DHRSX: variants seen among roughly 807,000 people sequenced by gnomAD.
DHRSX encodes the protein dehydrogenase/reductase X-linked.
Under a neutral mutation model 34.0 loss-of-function variants are expected in DHRSX, and 31 were observed. The ratio of observed to expected loss-of-function variants is 0.91; its 90% CI spans 0.69 to 1.23. The LOEUF is 1.23. Ranked by LOEUF, DHRSX falls within the 50% of genes most tolerant of loss-of-function variation. DHRSX has a pLI of 0.00. For synonymous variants in DHRSX, 201 were observed against 183.8 expected (o/e 1.09, Z -0.76); for missense variants, 414 against 428.1 (o/e 0.97, Z 0.29).
intron 1 of DHRSX, among the ~76,000 whole-genome samples, chrX:2,426,451 CCT>C (rs1413757180): frequency 2.4e-4 from 36 of 147,128 alleles, no homozygotes; most frequent in African/African-American, 8.1e-4. Flanking sequence ...TCCTTCCCTC[CCT>C]CTTTCCTTCC....
intron 4 of DHRSX, among the ~76,000 whole-genome samples, chrX:2,269,119 TTGTG>T (rs1412643845): frequency 1.2e-4 from 19 of 152,272 alleles, no homozygotes; most frequent in South Asian, 2.1e-4. Flanking sequence ...GTATATGTGT[TTGTG>T]TGTATTTTAT....
intron 3 of DHRSX, among the ~76,000 whole-genome samples, chrX:2,357,440 T>A (rs1468746884): frequency 6.6e-6 from 1 of 152,088 alleles, no homozygotes; most frequent in Admixed American, 6.6e-5. Context: ...AATGCCCATA[T>A]GTCCATCAAC....
intron 2 of DHRSX, among the ~76,000 whole-genome samples, chrX:2,417,592 C>T (rs745704874): frequency 3.2e-4 from 49 of 152,082 alleles, no homozygotes; most frequent in African/African-American, 1.1e-3. Flanking sequence ...CCCAATTAGA[C>T]GTCATCATGA....
At chrX:2,484,901 G>A (rs1051382692) in intron 1 of DHRSX, among the ~76,000 whole-genome samples, 14 of 151,776 alleles carry the variant, frequency 9.2e-5, no homozygotes, top group African/African-American at 2.2e-4. Flanking sequence ...CCGAGATTTC[G>A]GCACCCCAGA....
intron 6 of DHRSX, among the ~76,000 whole-genome samples, chrX:2,234,839 T>G (rs1237791310): frequency 6.6e-6 from 1 of 152,194 alleles, no homozygotes; most frequent in Non-Finnish European, 1.5e-5. Flanking sequence ...GCTTCCCGAG[T>G]AGCTGGGACT....
intron 4 of DHRSX, among the ~76,000 whole-genome samples, chrX:2,284,176 T>A (rs1039726409): frequency 3.7e-5 from 5 of 133,502 alleles, no homozygotes; most frequent in Non-Finnish European, 1.8e-5. Context: ...TCCTTTGAAT[T>A]CATACATTCC....
intron 3 of DHRSX, among the ~76,000 whole-genome samples, chrX:2,371,646 C>T (rs2043072167): frequency 6.6e-6 from 1 of 150,792 alleles, no homozygotes; most frequent in South Asian, 2.1e-4. Context: ...TACCATAGTC[C>T]ACACTCCTCC....
intron 4 of DHRSX, among the ~76,000 whole-genome samples, chrX:2,268,143 T>G (rs184350925): frequency 2.0e-5 from 3 of 152,290 alleles, no homozygotes; most frequent in Admixed American, 2.0e-4. Flanking sequence ...GCTTGACATG[T>G]TCTATCTACC....
intron 3 of DHRSX, among the ~76,000 whole-genome samples, chrX:2,348,052 C>T (rs757268394): frequency 4.6e-5 from 7 of 152,304 alleles, no homozygotes; most frequent in East Asian, 1.9e-4. Context: ...GCCAAACCCA[C>T]AGTCAGGCAG....
At chrX:2,292,176 G>C (rs1418012822) in intron 3 of DHRSX, among the ~76,000 whole-genome samples, 1 of 152,134 alleles carries the variant, frequency 6.6e-6, no homozygotes, top group Non-Finnish European at 1.5e-5. Flanking sequence ...TCCTGACCTT[G>C]ATGTGAGCTG....
chrX:2,242,887 C>G lies in DHRSX; in HGVS notation c.804+136G>C, dbSNP rs368120327. 97 of 806,022 alleles carry G rather than the reference C, an allele frequency of 1.2e-4. No homozygotes were observed. In the African/African-American group the frequency reaches 1.4e-3, roughly 12 times the overall value. 49.9% of individuals were successfully genotyped at this position (806,022 alleles called of 1,614,324 possible). ...TCTACCTTCTCAATAACTTGCTTCT[C>G]TTTCCACCACTGAGCCGTCCTGAAT... On this transcript the variant is annotated intron_variant, in intron 6 of 6. Coordinates refer to ENST00000334651, the MANE Select transcript of DHRSX (RefSeq NM_145177.3).
chrX:2,297,794 A>G (rs962514019), intron 3 of DHRSX, among the ~76,000 whole-genome samples: 9 of 147,258 alleles, frequency 6.1e-5, no homozygotes, highest in African/African-American at 2.2e-4. Context: ...TTGCTCTGTC[A>G]CCCAGGCTGG....
At chrX:2,446,757 G>C (rs1192134008) in intron 1 of DHRSX, among the ~76,000 whole-genome samples, 5 of 148,398 alleles carry the variant, frequency 3.4e-5, no homozygotes, top group Non-Finnish European at 7.5e-5. Context: ...TACAGAAGAA[G>C]ACGTTCCCTA....
At chrX:2,242,131 T>C (rs1427955508) in intron 6 of DHRSX, among the ~76,000 whole-genome samples, 2 of 152,078 alleles carry the variant, frequency 1.3e-5, no homozygotes, top group Non-Finnish European at 2.9e-5. Flanking sequence ...CCTCCATGGA[T>C]GAGAATACAT....
intron 1 of DHRSX, among the ~76,000 whole-genome samples, chrX:2,457,824 A>G (rs1277984311): frequency 6.7e-6 from 1 of 149,718 alleles, no homozygotes; most frequent in Non-Finnish European, 1.5e-5. Context: ...ACGTTCCCTA[A>G]GCTTGTGGCT....
chrX:2,331,681 C>G (rs1401464375), intron 3 of DHRSX, among the ~76,000 whole-genome samples: 3 of 151,952 alleles, frequency 2.0e-5, no homozygotes, highest in Non-Finnish European at 4.4e-5. Flanking sequence ...AACTCCTGAC[C>G]TCAGGTGATC....
Position 2,465,413 on chromosome X carries a change from T to C in DHRSX, c.109+35404A>G, listed in dbSNP as rs184943289. ...CTCCTCAATCACGCCAAAGAAGACC[T>C]GTTTAGCATACAAAATCAAGCTGTG... is the stretch of plus-strand genomic sequence containing the variant. On this transcript the variant is annotated intron_variant, in intron 1 of 6. Coordinates refer to ENST00000334651, the MANE Select transcript of DHRSX (RefSeq NM_145177.3). Among the ~76,000 whole-genome samples the C allele has an allele frequency of 1.1e-3, 166 of 152,238 alleles. 1 individual carries two copies. Among genetic ancestry groups the C allele is most frequent in the African/African-American group, 3.9e-3 (164 of 41,544 alleles).
intron 1 of DHRSX, among the ~76,000 whole-genome samples, chrX:2,481,579 T>C (rs893969714): frequency 2.0e-5 from 3 of 151,780 alleles, no homozygotes; most frequent in African/African-American, 7.3e-5. Flanking sequence ...GACAGGAGAA[T>C]GGCTTGAACC....
intron 5 of DHRSX, among the ~76,000 whole-genome samples, chrX:2,243,786 CTGTTTTTTTT>C (rs1556430241): frequency 4.0e-5 from 1 of 25,118 alleles, no homozygotes. Flanking sequence ...ACTATGCTCC[CTGTTTTTTTT>C]TTTTTTTTTT....
Sources: gnomAD v4.1 joint callset for allele counts (sites outside exome capture counted in the v4.1 genomes callset) on GRCh38, gnomAD v4.1.1 for gene constraint, MANE v1.5 for transcripts, NCBI Gene and HGNC (gene_info 2026-07-23, HGNC 2026-07-21) for gene names.